TENM4: variants seen among roughly 807,000 people sequenced by gnomAD.
TENM4 encodes the protein teneurin-4.
In TENM4, 82 loss-of-function variants were observed where a neutral mutation model predicts 243.3. The ratio of observed to expected loss-of-function variants is 0.34; its 90% CI spans 0.28 to 0.40. The LOEUF (loss-of-function observed/expected upper bound fraction) is 0.40. TENM4 is among the 10% of genes least tolerant of loss of function. The pLI is 1.00. For missense variants in TENM4, 3,138 were observed against 3,673.3 expected (o/e 0.85, Z 3.77); for synonymous variants, 1,412 against 1,456.3 (o/e 0.97, Z 0.69).
intron 1 of TENM4, among the ~76,000 whole-genome samples, chr11:79,307,142 C>T (rs1312391010): frequency 3.9e-5 from 6 of 152,132 alleles, no homozygotes; most frequent in Non-Finnish European, 7.4e-5. Flanking sequence ...CCTATAAAGT[C>T]GGTTTTACTC....
chr11:79,152,807 A>G (rs1211079597), intron 3 of TENM4, among the ~76,000 whole-genome samples: 1 of 152,210 alleles, frequency 6.6e-6, no homozygotes, highest in African/African-American at 2.4e-5. Flanking sequence ...CAAAATGGTC[A>G]ATGTTCATCC....
At chr11:79,031,452 A>G (rs1273522139) in intron 6 of TENM4, among the ~76,000 whole-genome samples, 1 of 152,186 alleles carries the variant, frequency 6.6e-6, no homozygotes, top group African/African-American at 2.4e-5. Flanking sequence ...GCTTTCTCAT[A>G]GGCACCAGGA....
At chr11:79,022,145 C>T (rs551097983) in intron 6 of TENM4, among the ~76,000 whole-genome samples, 4 of 152,284 alleles carry the variant, frequency 2.6e-5, no homozygotes, top group South Asian at 2.1e-4. Flanking sequence ...GATGCTTTAC[C>T]GACCACCTAT....
chr11:79,011,067 C>T (rs1858629475), intron 6 of TENM4, among the ~76,000 whole-genome samples: 1 of 152,214 alleles, frequency 6.6e-6, no homozygotes, highest in South Asian at 2.1e-4. Context: ...GTGTTCCCTT[C>T]TCTAGTCATC....
chr11:79,358,950 A>ATT (rs202209074), intron 1 of TENM4, among the ~76,000 whole-genome samples: 295 of 144,264 alleles, frequency 2.0e-3, no homozygotes, highest in African/African-American at 7.0e-3. Flanking sequence ...GTAAAAAGGC[A>ATT]TTTTTTTTTT....
intron 1 of TENM4, among the ~76,000 whole-genome samples, chr11:79,413,279 C>T (rs1429539597): frequency 6.6e-5 from 10 of 152,234 alleles, no homozygotes; most frequent in Admixed American, 3.9e-4. Flanking sequence ...AAGGTGTCTA[C>T]AGGCTCACAC....
At chr11:79,425,147 C>A (rs1328696103) in intron 1 of TENM4, among the ~76,000 whole-genome samples, 1 of 152,172 alleles carries the variant, frequency 6.6e-6, no homozygotes, top group Non-Finnish European at 1.5e-5. Flanking sequence ...GCTCACTCCG[C>A]AGGCCCTTAC....
intron 8 of TENM4, among the ~76,000 whole-genome samples, chr11:78,890,374 A>G (rs1855635988): frequency 6.6e-6 from 1 of 152,228 alleles, no homozygotes; most frequent in Non-Finnish European, 1.5e-5. Context: ...TAAACTTCCT[A>G]TTCTCTAAAA....
At chr11:79,340,126 C>T (rs947808095) in intron 1 of TENM4, among the ~76,000 whole-genome samples, 2 of 152,218 alleles carry the variant, frequency 1.3e-5, no homozygotes, top group Non-Finnish European at 2.9e-5. Context: ...ATCAATTTCC[C>T]TGGACCAACT....
chr11:79,063,201 G>A (rs1209494939), intron 6 of TENM4, among the ~76,000 whole-genome samples: 1 of 152,190 alleles, frequency 6.6e-6, no homozygotes, highest in Non-Finnish European at 1.5e-5. Flanking sequence ...GACCGTGCGT[G>A]GTCTCCTGCC....
chr11:78,735,711 G>A (rs906961250), intron 20 of TENM4, among the ~76,000 whole-genome samples: 3 of 152,156 alleles, frequency 2.0e-5, no homozygotes, highest in Non-Finnish European at 2.9e-5. Context: ...ACCTTTCCAA[G>A]CCTCAGTTTT....
intron 28 of TENM4, among the ~76,000 whole-genome samples, chr11:78,700,469 C>T (rs1313564005): frequency 6.6e-6 from 1 of 152,192 alleles, no homozygotes; most frequent in African/African-American, 2.4e-5. Context: ...AGGCTAGTTC[C>T]TTCCCCACCT....
intron 2 of TENM4, among the ~76,000 whole-genome samples, chr11:79,274,943 C>A (rs1004053107): frequency 6.6e-6 from 1 of 152,158 alleles, no homozygotes; most frequent in Non-Finnish European, 1.5e-5. Context: ...CAGTGGCTCT[C>A]GCACAGTGCT....
At chr11:79,117,699 T>C (rs1230393537) in intron 4 of TENM4, among the ~76,000 whole-genome samples, 1 of 152,236 alleles carries the variant, frequency 6.6e-6, no homozygotes, top group Non-Finnish European at 1.5e-5. Context: ...GCAAACCTGC[T>C]TGACAGGGTG....
chr11:79,119,100 T>G (rs764259611), intron 4 of TENM4, among the ~76,000 whole-genome samples: 10 of 152,208 alleles, frequency 6.6e-5, no homozygotes, highest in Non-Finnish European at 1.2e-4. Context: ...TAGTCAGACA[T>G]CATTCTAGGT....
In TENM4 at chr11:79,346,185, C is replaced by T. The variant is rs17138151; in HGVS notation, c.-320-48642G>A. 3.4e-3 allele frequency among the ~76,000 whole-genome samples: 515 copies of T among 152,244 alleles called. 2 individuals are homozygous for T. Among genetic ancestry groups the T allele is most frequent in the African/African-American group, 0.012 (495 of 41,534 alleles). On this transcript the variant is annotated intron_variant, in intron 1 of 33. Transcript: ENST00000278550. ...CCAGAGAACATTTGACTCTCCTCCT[C>T]GCGATGATGATCATTAAGCATGATG...
chr11:78,814,641 T>C (rs1389140144), intron 12 of TENM4, among the ~76,000 whole-genome samples: 1 of 152,246 alleles, frequency 6.6e-6, no homozygotes, highest in Non-Finnish European at 1.5e-5. Flanking sequence ...ATCAAATTTG[T>C]ATCTACAAAC....
intron 3 of TENM4, among the ~76,000 whole-genome samples, chr11:79,181,137 A>G (rs987706061): frequency 6.6e-6 from 1 of 152,272 alleles, no homozygotes; most frequent in Non-Finnish European, 1.5e-5. Flanking sequence ...AGACATTACA[A>G]GAAAAGAAAA....
rs545737218 is a variant in TENM4 at position 78,800,384 on chromosome 11, G to A, written c.2179+4908C>T. ...AGGGCTTCTGGCTGGCTGGCACTGC[G>A]CATGAAACTAACATGATCTAGGTCT... On this transcript the variant is annotated intron_variant, in intron 15 of 33. Transcript: ENST00000278550. 2.2e-4 allele frequency among the ~76,000 whole-genome samples: 34 copies of A among 152,248 alleles called. 1 individual carries two copies. Among genetic ancestry groups the A allele is most frequent in the South Asian group, 4.2e-4 (2 of 4,810 alleles).
Sources: gnomAD v4.1 joint callset for allele counts (sites outside exome capture counted in the v4.1 genomes callset) on GRCh38, gnomAD v4.1.1 for gene constraint, MANE v1.5 for transcripts, NCBI Gene and HGNC (gene_info 2026-07-23, HGNC 2026-07-21) for gene names.